The following GPRIN1 variants were observed in gnomAD, a reference collection of about 807,000 sequenced individuals.
GPRIN1 encodes G protein-regulated inducer of neurite outgrowth 1.
A neutral mutation model predicts 2.8 loss-of-function variants in GPRIN1; 4 were observed. The observed-to-expected ratio is 1.45, with a 90% CI of 0.71 to 3.32. GPRIN1 has a LOEUF of 3.32. Among genes scored for constraint, GPRIN1 ranks in the 30% most tolerant of loss-of-function variants. The pLI, the probability that GPRIN1 is intolerant of heterozygous loss-of-function variation, is 0.01. For missense variants in GPRIN1, 1,322 were observed against 1,343.4 expected (o/e 0.98, Z 0.25); for synonymous variants, 589 against 589.9 (o/e 1.00, Z 0.02).
In GPRIN1 at chr5:176,599,262, T is replaced by C. The variant is rs147124579; in HGVS notation, c.573A>G (p.Gly191=). The C allele has an allele frequency of 3.3e-5, 54 of 1,613,924 alleles. No homozygotes were observed. The African/African-American group carries it at 6.8e-4, about 20-fold the overall frequency. Residue 191 remains glycine, a synonymous_variant, in exon 2 of 2, where the codon GGA becomes GGG. Transcript: ENST00000303991. ...FTGKAEPEIL[G]KGDPVAPGRM... Reference sequence around the variant, plus strand: ...TTCCAGGAGCCACAGGATCCCCCTTTCCCAAGATTTCAGGCTCTGCCTTTC... The same window carrying C: ...TTCCAGGAGCCACAGGATCCCCCTTCCCCAAGATTTCAGGCTCTGCCTTTC...
At chr5:176,608,825 A>G (rs908820615) in intron 1 of GPRIN1, among the ~76,000 whole-genome samples, 1 of 152,216 alleles carries the variant, frequency 6.6e-6, no homozygotes, top group African/African-American at 2.4e-5. Context: ...AAACAGGGCC[A>G]GAACTGCCAA....
At position 176,596,797 on chromosome 5, in the gene GPRIN1, ATG is replaced by A; in HGVS notation, c.*9_*10del. 7.1e-7 allele frequency: 1 copy of A among 1,415,704 alleles called. No homozygotes were observed. Among genetic ancestry groups the A allele is most frequent in the Non-Finnish European group, 9.2e-7 (1 of 1,083,162 alleles). The allele number at this position is 1,415,704 out of a possible 1,614,324, so 87.7% of individuals were successfully genotyped here. ...AAGGTCGGAAACTCGGGCGTACAAAATGGGGGCAGATCACTCGGCCGTGGGTC... is the reference window on the plus strand; with the variant it reads ...AAGGTCGGAAACTCGGGCGTACAAAAGGGGCAGATCACTCGGCCGTGGGTC... On this transcript the variant is annotated 3_prime_UTR_variant, in exon 2 of 2. Coordinates refer to ENST00000303991, the MANE Select transcript of GPRIN1 (RefSeq NM_052899.3). The surrounding 1 kb of genome is among the most constrained non-coding windows in gnomAD (Gnocchi z 5.2).
At position 176,597,926 on chromosome 5, in the gene GPRIN1, T is replaced by C; in HGVS notation, c.1909A>G (p.Lys637Glu). 6.2e-7 allele frequency: 1 copy of C among 1,614,002 alleles called. No individual in the cohort carries two copies. Among genetic ancestry groups the C allele is most frequent in the Non-Finnish European group, 8.5e-7 (1 of 1,180,032 alleles). The stretch of plus-strand genomic sequence containing the variant: ...TGCCCAGGGAGCTTTGTTTCTGCTT[T>C]GCCACCAGACTGCGGCTGTGCTTTC... ...SGKAQPQSGGKAETKLPGQEG... is the reference protein window; with the variant it reads ...SGKAQPQSGGEAETKLPGQEG... The change falls in exon 2 of 2, where the codon AAA (lysine) becomes GAA (glutamate). Residue 637 changes from lysine to glutamate, a missense_variant. Around this residue, in one of 3 missense-constraint regions of GPRIN1, gnomAD observed 1,117 missense variants for 1,128.6 expected, o/e 0.99. Coordinates refer to ENST00000303991, the MANE Select transcript of GPRIN1 (RefSeq NM_052899.3). The surrounding 1 kb of genome is among the most constrained non-coding windows in gnomAD (Gnocchi z 6.1).
Position 176,598,598 on chromosome 5 carries a change from A to C in GPRIN1, c.1237T>G (p.Ser413Ala). The change falls in exon 2 of 2, where the codon TCA becomes GCA. Residue 413 changes from serine to alanine, a missense_variant. Ser to Ala is a moderately conservative substitution (Grantham distance 99). Coordinates refer to ENST00000303991, the MANE Select transcript of GPRIN1 (RefSeq NM_052899.3). Reference sequence around the variant, plus strand: ...AGAGAAACTGGATCCACCTTGCCTGAAGACATGGGATCCACATTTTTCAAA... The same window carrying C: ...AGAGAAACTGGATCCACCTTGCCTGCAGACATGGGATCCACATTTTTCAAA... ...TSLKNVDPMS[S>A]GKVDPVSLGK... The C allele has an allele frequency of 1.2e-6, 2 of 1,614,134 alleles. No individual in the cohort carries two copies. Among genetic ancestry groups the C allele is most frequent in the Non-Finnish European group, 1.7e-6 (2 of 1,180,030 alleles).
chr5:176,598,015 C>A lies in GPRIN1; in HGVS notation c.1820G>T (p.Gly607Val), dbSNP rs750608745. 2 of 1,614,022 alleles carry A rather than the reference C, an allele frequency of 1.2e-6. No homozygotes were observed. The highest frequency in any genetic ancestry group is 1.7e-6 in the Non-Finnish European group (2 of 1,179,994). Reference protein sequence around the residue: ...KAEAIPEGKVGSLPLEKGSPV... With the variant: ...KAEAIPEGKVVSLPLEKGSPV... ...ACTCCCCTTCTCTAGAGGCAGAGAA[C>A]CCACTTTTCCCTCTGGGATAGCTTC... Residue 607 changes from glycine (G) to valine (V), a missense_variant, in exon 2 of 2, where the codon GGT becomes GTT. By Grantham distance (109) the Gly-to-Val change is moderately radical. This residue lies in a region of GPRIN1 where 1,117 missense variants were observed against 1,128.6 expected (regional missense o/e 0.99). Coordinates refer to ENST00000303991, the MANE Select transcript of GPRIN1 (RefSeq NM_052899.3).
chr5:176,598,268 A>G lies in GPRIN1; in HGVS notation c.1567T>C (p.Ser523Pro). Residue 523 changes from serine to proline, a missense_variant, in exon 2 of 2, where the codon TCC becomes CCC. Physicochemically the swap from Ser to Pro is moderately conservative, Grantham distance 74. Coordinates refer to ENST00000303991, the MANE Select transcript of GPRIN1 (RefSeq NM_052899.3). ...PATGGKGDPL[S>P]SEKAGLVASG... is the part of the protein sequence containing the mutation. ...GCCACCAGACCTGCCTTCTCCGAGGACAGGGGATCTCCTTTTCCCCCCGTC... is the reference window on the plus strand; with the variant it reads ...GCCACCAGACCTGCCTTCTCCGAGGGCAGGGGATCTCCTTTTCCCCCCGTC... 6.2e-7 allele frequency: 1 copy of G among 1,613,380 alleles called. No individual in the cohort carries two copies. Among genetic ancestry groups the G allele is most frequent in the Non-Finnish European group, 8.5e-7 (1 of 1,179,856 alleles).
chr5:176,606,230 T>C (rs772299249), intron 1 of GPRIN1, among the ~76,000 whole-genome samples: 45 of 152,270 alleles, frequency 3.0e-4, no homozygotes, highest in African/African-American at 1.1e-3. Context: ...TGCCTGACTC[T>C]GCTCACTTTA....
rs750799201 is a variant in GPRIN1 at position 176,599,767 on chromosome 5, C to T, written c.68G>A (p.Arg23Gln). The change falls in exon 2 of 2, where the codon CGA becomes CAA. Residue 23 changes from arginine to glutamine, a missense_variant. By Grantham distance (43) the Arg-to-Gln change is conservative. Around this residue, in one of 3 missense-constraint regions of GPRIN1, gnomAD observed 1,117 missense variants for 1,128.6 expected, o/e 0.99. Coordinates refer to ENST00000303991, the MANE Select transcript of GPRIN1 (RefSeq NM_052899.3). ...CTGTGGGCAGAAGAAGGCTGTGGGT[C>T]GGGGTCCTGGGGGGCTGGAATCCTT... ...LQKDSSPPGP[R>Q]PTAFFCPQDG... 4.0e-5 allele frequency: 61 copies of T among 1,523,112 alleles called. No individual in the cohort carries two copies. The highest frequency in any genetic ancestry group is 4.6e-5 in the East Asian group (2 of 43,872). The allele number at this position is 1,523,112 out of a possible 1,614,324, so 94.3% of individuals were successfully genotyped here.
chr5:176,607,758 C>T (rs915666088), intron 1 of GPRIN1, among the ~76,000 whole-genome samples: 18 of 147,818 alleles, frequency 1.2e-4, no homozygotes, highest in African/African-American at 4.7e-4. Flanking sequence ...CAAGGGCACA[C>T]AACTGGGGCA....
intron 1 of GPRIN1, among the ~76,000 whole-genome samples, chr5:176,606,597 C>T (rs560817806): frequency 9.0e-4 from 137 of 152,314 alleles, no homozygotes; most frequent in African/African-American, 3.2e-3. Context: ...CTCCAATCAG[C>T]CACAATCCCC....
rs1232338156 is a variant in GPRIN1 at position 176,599,190 on chromosome 5, T to G, written c.645A>C (p.Gly215=). ...TGCTGGAGCACAAAGGATCTACTTT[T>G]CCCAGGGATCCAAGATCTTCCTTTC... ...TVRKEDLGSL[G]KVDPLCSSKT... Residue 215 remains glycine, a synonymous_variant, in exon 2 of 2, where the codon GGA becomes GGC. Coordinates refer to ENST00000303991, the MANE Select transcript of GPRIN1 (RefSeq NM_052899.3). 1 of 1,613,764 alleles carries G rather than the reference T, an allele frequency of 6.2e-7. No homozygotes were observed. The highest frequency in any genetic ancestry group is 1.1e-5 in the South Asian group (1 of 91,066).
Position 176,596,205 on chromosome 5 carries a change from G to A in GPRIN1, c.*603C>T, listed in dbSNP as rs1759030790. On this transcript the variant is annotated 3_prime_UTR_variant, in exon 2 of 2. Transcript: ENST00000303991. The surrounding 1 kb of genome is among the most constrained non-coding windows in gnomAD (Gnocchi z 5.2). ...AGGGGATGGGGCTGGAACCAGGCGG[G>A]TGGGAGATAGGAACTGGGGAAGGAC... 6.6e-6 allele frequency: 1 copy of A among 152,596 alleles called. No homozygotes were observed. The highest frequency in any genetic ancestry group is 2.1e-4 in the South Asian group (1 of 4,848). 9.5% of individuals were successfully genotyped at this position (152,596 alleles called of 1,614,324 possible).
Position 176,597,132 on chromosome 5 carries a change from T to C in GPRIN1, c.2703A>G (p.Val901=), listed in dbSNP as rs1759051714. 2.1e-6 allele frequency: 3 copies of C among 1,461,682 alleles called. No homozygotes were observed. Among genetic ancestry groups the C allele is most frequent in the Non-Finnish European group, 2.7e-6 (3 of 1,104,046 alleles). 90.5% of individuals were successfully genotyped at this position (1,461,682 alleles called of 1,614,324 possible). A position where few individuals can be genotyped will look rare whatever the true frequency, so the allele number is the denominator to read the frequency against. The part of the protein sequence containing the change: ...VRPGSALAAA[V]APPEPAEPVR... ...CGGGCTCAGCCGGCTCCGGGGGCGC[T>C]ACAGCGGCCGCCAGCGCTGAGCCGG... Residue 901 remains valine (V), a synonymous_variant, in exon 2 of 2, where the codon GTA becomes GTG. Coordinates refer to ENST00000303991, the MANE Select transcript of GPRIN1 (RefSeq NM_052899.3). This position sits in a 1 kb window ranked among gnomAD's most constrained non-coding sequence, Gnocchi z 6.1.
rs1258207630 is a variant in GPRIN1, at chr5:176,598,653, A to G, written c.1182T>C (p.Thr394=). ...TGAGATCTGTCTTTGCTGAAGCCGT[A>G]GTATCCGTGTGGCCAGACACAGGAC... The part of the protein sequence containing the change: ...EGRPVSGHTD[T]TASAKTDLTS... Residue 394 remains threonine, a synonymous_variant, in exon 2 of 2, where the codon ACT becomes ACC. Transcript: ENST00000303991. 6.2e-7 allele frequency: 1 copy of G among 1,614,184 alleles called. No individual in the cohort carries two copies. Among genetic ancestry groups the G allele is most frequent in the South Asian group, 1.1e-5 (1 of 91,090 alleles).
intron 1 of GPRIN1, among the ~76,000 whole-genome samples, chr5:176,607,694 T>C (rs1300389919): frequency 1.3e-5 from 2 of 151,888 alleles, no homozygotes; most frequent in African/African-American, 4.8e-5. Flanking sequence ...GAGGGGGGCA[T>C]TATCATCCCA....
In GPRIN1 at chr5:176,598,824, C is replaced by T; in HGVS notation, c.1011G>A (p.Gly337=). The change falls in exon 2 of 2, where the codon GGG becomes GGA. Residue 337 remains glycine, a synonymous_variant. Coordinates refer to ENST00000303991, the MANE Select transcript of GPRIN1 (RefSeq NM_052899.3). Reference sequence around the variant, plus strand: ...CCAGCCTTCCCAAGGACCCAGGAGCCCCGGTCCCAGAGGATACAGGCCCAT... The same window carrying T: ...CCAGCCTTCCCAAGGACCCAGGAGCTCCGGTCCCAGAGGATACAGGCCCAT... ...GKNGPVSSGT[G]APGSLGRLDP... is the part of the protein sequence containing the mutation. 6.2e-7 allele frequency: 1 copy of T among 1,613,920 alleles called. No individual in the cohort carries two copies. The highest frequency in any genetic ancestry group is 8.5e-7 in the Non-Finnish European group (1 of 1,180,030).
Position 176,596,665 on chromosome 5 carries a change from G to A in GPRIN1, c.*143C>T. 3.3e-6 allele frequency: 2 copies of A among 614,814 alleles called. No homozygotes were observed. Among genetic ancestry groups the A allele is most frequent in the Non-Finnish European group, 4.5e-6 (2 of 439,798 alleles). The allele number at this position is 614,814 out of a possible 1,614,324, so 38.1% of individuals were successfully genotyped here. On this transcript the variant is annotated 3_prime_UTR_variant, in exon 2 of 2. Coordinates refer to ENST00000303991, the MANE Select transcript of GPRIN1 (RefSeq NM_052899.3). This position sits in a 1 kb window ranked among gnomAD's most constrained non-coding sequence, Gnocchi z 5.2. ...TTCTGTATTTGTGATGGGAGGGGCT[G>A]GAAAGACGGGGACGCAACAGCCCTA...
At position 176,598,404 on chromosome 5, in the gene GPRIN1, T is replaced by C; in HGVS notation, c.1431A>G (p.Glu477=). The C allele has an allele frequency of 6.2e-7, 1 of 1,614,048 alleles. No homozygotes were observed. The highest frequency in any genetic ancestry group is 8.5e-7 in the Non-Finnish European group (1 of 1,179,996). ...TTCCTGAAGACTCAGGATTCACTTTTTCAGATGATGTCTTTCTACTTCCAG... is the reference window on the plus strand; with the variant it reads ...TTCCTGAAGACTCAGGATTCACTTTCTCAGATGATGTCTTTCTACTTCCAG... ...ISAGSRKTSS[E]KVNPESSGKT... is the part of the protein sequence containing the mutation. The change falls in exon 2 of 2, where the codon GAA becomes GAG. Residue 477 remains glutamate, a synonymous_variant. Transcript: ENST00000303991.
In GPRIN1 at chr5:176,599,247, C is replaced by T; in HGVS notation, c.588G>A (p.Val196=). 6.2e-7 allele frequency: 1 copy of T among 1,613,974 alleles called. No homozygotes were observed. Among genetic ancestry groups the T allele is most frequent in the Non-Finnish European group, 8.5e-7 (1 of 1,180,014 alleles). ...TCATGGGATCCATCCTTCCAGGAGC[C>T]ACAGGATCCCCCTTTCCCAAGATTT... The part of the protein sequence containing the change: ...EPEILGKGDP[V]APGRMDPMTV... Residue 196 remains valine (V), a synonymous_variant, in exon 2 of 2, where the codon GTG becomes GTA. Transcript: ENST00000303991.
Sources: allele counts gnomAD v4.1 joint callset (sites outside exome capture counted in the v4.1 genomes callset), GRCh38; gene constraint gnomAD v4.1.1; regional missense constraint gnomAD v4.1.1; non-coding constraint Gnocchi (gnomAD v3.1); transcripts MANE v1.5; gene names NCBI Gene and HGNC (gene_info 2026-07-23, HGNC 2026-07-21).